Variants in WDR12 observed in about 807,000 individuals in gnomAD.
The protein encoded by WDR12 is ribosome biogenesis protein WDR12.
In WDR12, 42 loss-of-function variants were observed where a neutral mutation model predicts 64.3. That is an observed-to-expected ratio of 0.65 (90% CI 0.51 to 0.84). WDR12 has a LOEUF of 0.84. Among genes scored for constraint, WDR12 ranks in the 40% least tolerant of loss-of-function variants. The pLI is 0.00. For missense variants in WDR12, 469 were observed against 494.6 expected (o/e 0.95, Z 0.49); for synonymous variants, 158 against 173.3 (o/e 0.91, Z 0.70).
chr2:202,902,866 A>C (rs1382256342), intron 2 of WDR12, among the ~76,000 whole-genome samples: 11 of 152,146 alleles, frequency 7.2e-5, no homozygotes, highest in Admixed American at 7.2e-4. Context: ...TGGGAGGCCA[A>C]GAGTTCAAGA....
At chr2:202,894,412 G>T (rs1378802801) in intron 7 of WDR12, among the ~76,000 whole-genome samples, 169 bp downstream of exon 7, 2 of 152,116 alleles carry the variant, frequency 1.3e-5, no homozygotes, top group Non-Finnish European at 2.9e-5. Context: ...AGTAGAGACG[G>T]GGTCTCACTA....
chr2:202,900,362 C>G, intron 3 of WDR12, among the ~76,000 whole-genome samples: 1 of 147,464 alleles, frequency 6.8e-6, no homozygotes, highest in East Asian at 2.0e-4. Context: ...TAAAAGAAAA[C>G]ATTAAAATTA....
chr2:202,899,434 C>T (rs1209297986), intron 4 of WDR12, 97 bp downstream of exon 4: 1 of 1,034,424 alleles, frequency 9.7e-7, no homozygotes, highest in African/African-American at 1.6e-5. Context: ...TTACAAATAA[C>T]ATTAAATCAC....
intron 5 of WDR12, among the ~76,000 whole-genome samples, chr2:202,896,924 T>C (rs1409198900): frequency 2.6e-5 from 4 of 152,076 alleles, no homozygotes; most frequent in African/African-American, 7.2e-5. Flanking sequence ...GAAGTGGATG[T>C]TGCAGTGAGC....
chr2:202,901,241 G>A, intron 2 of WDR12, 122 bp from the exon 3 acceptor site: 1 of 511,288 alleles, frequency 2.0e-6, no homozygotes, highest in Non-Finnish European at 3.3e-6. Flanking sequence ...GTTTCTCTGT[G>A]ATTTTTAAGA....
In WDR12 at chr2:202,896,051, T is replaced by C; in HGVS notation, c.609+14A>G. On this transcript the variant is annotated intron_variant, in intron 6 of 12. Coordinates refer to ENST00000261015, the MANE Select transcript of WDR12 (RefSeq NM_018256.4). ...CAAATTTAACAGAGTACTAATAATA[T>C]TCTAGCTACTTACTTTAGTTCCTGA... 6.2e-7 allele frequency: 1 copy of C among 1,609,052 alleles called. No homozygotes were observed. The highest frequency in any genetic ancestry group is 8.5e-7 in the Non-Finnish European group (1 of 1,178,598).
chr2:202,904,154 A>G (rs1347297512), intron 2 of WDR12, among the ~76,000 whole-genome samples: 2 of 149,858 alleles, frequency 1.3e-5, no homozygotes, highest in African/African-American at 2.4e-5. Flanking sequence ...AAAAAAAAAA[A>G]AAAAAAAAAA....
chr2:202,897,504 G>T (rs781280317), intron 4 of WDR12, 89 bp from the exon 5 acceptor site: 112 of 641,548 alleles, frequency 1.7e-4, no homozygotes, highest in Non-Finnish European at 2.2e-4. Flanking sequence ...TAACTTTGAG[G>T]ATTATACTTT....
rs1385803114 is a variant in WDR12, at chr2:202,907,875, C to T, written c.126G>A (p.Lys42=). The T allele has an allele frequency of 6.2e-7, 1 of 1,613,462 alleles. No individual in the cohort carries two copies. Among genetic ancestry groups the T allele is most frequent in the Admixed American group, 1.7e-5 (1 of 60,006 alleles). ...AGCATATATACCCACCATTTTTGTCCTTTAGTAGTTTATTGATGATGTTAC... is the reference window on the plus strand; with the variant it reads ...AGCATATATACCCACCATTTTTGTCTTTTAGTAGTTTATTGATGATGTTAC... ...DLSNIINKLL[K]DKNEFHKHVE... The change falls in exon 2 of 13, where the codon AAG becomes AAA. Residue 42 remains lysine (K), a synonymous_variant. Transcript: ENST00000261015.
intron 2 of WDR12, 135 bp downstream of exon 2, chr2:202,907,730 C>T (rs1049446620): frequency 1.6e-6 from 1 of 644,436 alleles, no homozygotes; most frequent in Non-Finnish European, 2.7e-6. Flanking sequence ...AGCAGAAGAA[C>T]CTGTACTTTA....
rs1289968076 is a variant in WDR12 at position 202,883,620 on chromosome 2, C to T, written c.1110G>A (p.Trp370Ter). Residue 370 changes from tryptophan to a stop codon, truncating the protein, a stop_gained, in exon 11 of 13, where the codon TGG (tryptophan) becomes TGA (stop). Transcript: ENST00000261015. LOFTEE classifies it high-confidence loss of function. ...TAAATAGAATTTACCTTCTTGTATC[C>T]CACAGCTTAACAATGTTATCTAAAG... The part of the protein sequence containing the change: ...SGSLDNIVKL[W>*]DTRSCKAPLY... The T allele has an allele frequency of 1.2e-6, 2 of 1,613,558 alleles. No individual in the cohort carries two copies. Among genetic ancestry groups the T allele is most frequent in the Non-Finnish European group, 1.7e-6 (2 of 1,179,894 alleles).
intron 2 of WDR12, among the ~76,000 whole-genome samples, chr2:202,907,418 A>C (rs1422079507): frequency 1.3e-5 from 2 of 152,154 alleles, no homozygotes; most frequent in African/African-American, 4.8e-5. Context: ...ACAAAAAATA[A>C]AATACTGGTA....
chr2:202,911,301 T>C, intron 1 of WDR12, 135 bp downstream of exon 1: 1 of 822,502 alleles, frequency 1.2e-6, no homozygotes, highest in Non-Finnish European at 2.1e-6. Flanking sequence ...CCTACGAAGC[T>C]GGTTAGAAAG....
At chr2:202,882,579 T>G in intron 12 of WDR12, 132 bp downstream of exon 12, 1 of 778,220 alleles carries the variant, frequency 1.3e-6, no homozygotes, top group Non-Finnish European at 2.1e-6. Context: ...CTGCCCACCT[T>G]GGCCTCCCAA....
At chr2:202,899,032 G>GTTT (rs779419072) in intron 4 of WDR12, among the ~76,000 whole-genome samples, 5 of 73,676 alleles carry the variant, frequency 6.8e-5, no homozygotes, top group African/African-American at 2.2e-4. Context: ...AATACCTGTG[G>GTTT]TTTTTTTTTT....
chr2:202,902,436 A>G (rs1162585772), intron 2 of WDR12, among the ~76,000 whole-genome samples: 3 of 152,152 alleles, frequency 2.0e-5, no homozygotes, highest in African/African-American at 7.2e-5. Context: ...TGAACATTTG[A>G]GACAGTGGAA....
At chr2:202,892,382 A>T (rs1688170681) in intron 8 of WDR12, among the ~76,000 whole-genome samples, 1 of 152,250 alleles carries the variant, frequency 6.6e-6, no homozygotes, top group East Asian at 1.9e-4. Flanking sequence ...CTAAATCATC[A>T]ACCTAGCAAC....
intron 11 of WDR12, among the ~76,000 whole-genome samples, chr2:202,883,185 G>C (rs1260072104): frequency 1.3e-5 from 2 of 152,066 alleles, no homozygotes; most frequent in Non-Finnish European, 2.9e-5. Flanking sequence ...GCCCAGGCTG[G>C]AGTGCACTGA....
intron 8 of WDR12, among the ~76,000 whole-genome samples, chr2:202,887,260 G>A (rs573026003): frequency 1.3e-5 from 2 of 151,106 alleles, no homozygotes; most frequent in South Asian, 2.1e-4. Flanking sequence ...CTGACTGCAG[G>A]TGATGTGCCC....
Sources: allele counts gnomAD v4.1 joint callset (sites outside exome capture counted in the v4.1 genomes callset), GRCh38; gene constraint gnomAD v4.1.1; transcripts MANE v1.5; gene names NCBI Gene and HGNC (gene_info 2026-07-23, HGNC 2026-07-21).